Variants in RANBP2 observed in about 807,000 individuals in gnomAD.
RANBP2 encodes the protein RAN binding protein 2.
RANBP2 carries 57 observed loss-of-function variants against 303.6 expected under a neutral mutation model. The observed-to-expected ratio is 0.19, with a 90% CI of 0.15 to 0.23. The LOEUF (loss-of-function observed/expected upper bound fraction) is 0.23. Ranked by LOEUF, RANBP2 falls within the 10% of genes least tolerant of loss-of-function variation. The probability of loss-of-function intolerance (pLI) is 1.00; values close to 1 mark genes in which losing one functional copy is unlikely to be tolerated. For synonymous variants in RANBP2, 1,167 were observed against 1,301.5 expected (o/e 0.90, Z 2.23); for missense variants, 3,138 against 3,780.8 (o/e 0.83, Z 4.46).
the RANBP2 span, among the ~76,000 whole-genome samples, chr2:109,342,636 G>T: frequency 2.0e-5 from 3 of 152,194 alleles, no homozygotes; most frequent in Non-Finnish European, 4.4e-5. Flanking sequence ...GCTGCAGGCC[G>T]ACTCTGGCAC....
At chr2:108,786,081 T>C (rs1678639061), downstream of RANBP2, among the ~76,000 whole-genome samples, 1 of 152,106 alleles carries the variant, frequency 6.6e-6, no homozygotes, top group Non-Finnish European at 1.5e-5. Context: ...GTATACTATG[T>C]ACTATGGTTA....
the RANBP2 span, among the ~76,000 whole-genome samples, chr2:109,033,725 G>T: frequency 6.6e-6 from 1 of 151,912 alleles, no homozygotes; most frequent in South Asian, 2.1e-4. Flanking sequence ...GGCTGAGGCG[G>T]GTGGATCATT....
At chr2:109,211,932 C>T in the RANBP2 span, among the ~76,000 whole-genome samples, 3 of 152,170 alleles carry the variant, frequency 2.0e-5, no homozygotes, top group Non-Finnish European at 4.4e-5. Context: ...TGTGAGACAC[C>T]GCACCCAGCC....
In RANBP2 at chr2:108,753,774, A is replaced by G. The variant is rs762367165; in HGVS notation, c.2056-51A>G. 1.9e-6 allele frequency: 3 copies of G among 1,611,554 alleles called. No individual in the cohort carries two copies. The Admixed American group carries it at 5.0e-5, about 27-fold the overall frequency. On this transcript the variant is annotated intron_variant, in intron 14 of 28. Coordinates refer to ENST00000283195, the MANE Select transcript of RANBP2 (RefSeq NM_006267.5). The stretch of plus-strand genomic sequence containing the variant: ...AGCCACCATGCGTGGCCAAGCTAAA[A>G]GTTTTTTGTTTTAAAAACCTAATGA...
chr2:109,447,315 G>A, the RANBP2 span, among the ~76,000 whole-genome samples: 1 of 152,120 alleles, frequency 6.6e-6, no homozygotes, highest in Non-Finnish European at 1.5e-5. Context: ...ACACACGGCT[G>A]TGTCAGAAGA....
chr2:108,786,680 G>T (rs965538697), downstream of RANBP2: 7 of 724,290 alleles, frequency 9.7e-6, no homozygotes, highest in African/African-American at 7.4e-5. Flanking sequence ...GCAGTCTCCG[G>T]GTCGCCCCGC....
At chr2:109,241,659 G>A in the RANBP2 span, among the ~76,000 whole-genome samples, 7 of 152,078 alleles carry the variant, frequency 4.6e-5, no homozygotes, top group Non-Finnish European at 8.8e-5. Flanking sequence ...CCTCGCCATG[G>A]TGAGGGTTCG....
the RANBP2 span, chr2:108,907,772 G>A: frequency 6.7e-7 from 1 of 1,493,094 alleles, no homozygotes; most frequent in East Asian, 2.3e-5. Context: ...CGTCTTGCAG[G>A]AGAGCTGATT....
the RANBP2 span, among the ~76,000 whole-genome samples, chr2:109,163,416 TG>T: frequency 7.0e-6 from 1 of 143,614 alleles, no homozygotes; most frequent in Admixed American, 7.0e-5. Flanking sequence ...TTTTTTTTTT[TG>T]AGACGGAGTC....
chr2:109,063,739 G>A, the RANBP2 span, among the ~76,000 whole-genome samples: 19,974 of 151,500 alleles, frequency 0.13, 1,415 homozygotes, highest in Non-Finnish European at 0.16. Flanking sequence ...CTGACAAATC[G>A]TTATCTAGTT....
chr2:109,461,756 G>A, the RANBP2 span, among the ~76,000 whole-genome samples: 2 of 152,230 alleles, frequency 1.3e-5, no homozygotes, highest in Non-Finnish European at 2.9e-5. Flanking sequence ...GGATCTCCTG[G>A]GTCATGTGGC....
the RANBP2 span, among the ~76,000 whole-genome samples, chr2:109,438,813 A>G: frequency 6.6e-6 from 1 of 152,196 alleles, no homozygotes; most frequent in Non-Finnish European, 1.5e-5. Context: ...GGCAGCCAAT[A>G]TGCTGATCTG....
At chr2:109,582,029 T>C in the RANBP2 span, among the ~76,000 whole-genome samples, 7 of 151,144 alleles carry the variant, frequency 4.6e-5, no homozygotes, top group Non-Finnish European at 1.0e-4. Flanking sequence ...ATATCAATAA[T>C]GGTCAAGCTG....
the RANBP2 span, among the ~76,000 whole-genome samples, chr2:109,559,259 T>C: frequency 6.6e-6 from 1 of 152,192 alleles, no homozygotes; most frequent in Non-Finnish European, 1.5e-5. Context: ...ACAAAAGCCT[T>C]ATCAAATCAT....
chr2:108,774,583 G>T lies in RANBP2; in HGVS notation c.8293-1149G>T, dbSNP rs114801512. Among the ~76,000 whole-genome samples the T allele has an allele frequency of 2.7e-3, 416 of 152,218 alleles. 2 individuals are homozygous for T. The highest frequency in any genetic ancestry group is 9.6e-3 in the African/African-American group (400 of 41,504). Reference sequence around the variant, plus strand: ...ACTTGGTGCCATTTTCCCTTTAAATGTTGAGCAGTTTTTACCAATGAAACC... The same window carrying T: ...ACTTGGTGCCATTTTCCCTTTAAATTTTGAGCAGTTTTTACCAATGAAACC... On this transcript the variant is annotated intron_variant, in intron 23 of 28. Coordinates refer to ENST00000283195, the MANE Select transcript of RANBP2 (RefSeq NM_006267.5).
the RANBP2 span, among the ~76,000 whole-genome samples, chr2:109,626,603 G>A: frequency 6.6e-6 from 1 of 152,312 alleles, no homozygotes; most frequent in Non-Finnish European, 1.5e-5. Flanking sequence ...GGGGAGGTGA[G>A]TTAATGGGGA....
At chr2:108,963,210 T>G in the RANBP2 span, among the ~76,000 whole-genome samples, 2 of 152,176 alleles carry the variant, frequency 1.3e-5, no homozygotes, top group Non-Finnish European at 2.9e-5. Flanking sequence ...AAGTTTTACA[T>G]GATGTATTCT....
the RANBP2 span, among the ~76,000 whole-genome samples, chr2:109,359,061 G>T: frequency 6.6e-6 from 1 of 151,994 alleles, no homozygotes; most frequent in South Asian, 2.1e-4. Context: ...TATTGTCTTT[G>T]TTCCTTTGTC....
the RANBP2 span, among the ~76,000 whole-genome samples, chr2:109,588,574 A>G: frequency 1.3e-5 from 2 of 151,978 alleles, no homozygotes; most frequent in African/African-American, 2.4e-5. Flanking sequence ...GCTCACTGCA[A>G]CCTCCGCCCC....
Sources: gnomAD v4.1 joint callset for allele counts (sites outside exome capture counted in the v4.1 genomes callset) on GRCh38, gnomAD v4.1.1 for gene constraint, MANE v1.5 for transcripts, NCBI Gene and HGNC (gene_info 2026-07-23, HGNC 2026-07-21) for gene names.